Variants in ZNF595 observed in about 807,000 individuals in gnomAD.
The protein encoded by ZNF595 is zinc finger protein 595.
In ZNF595, 9 loss-of-function variants were observed where a neutral mutation model predicts 19.4. The observed-to-expected ratio is 0.46, with a 90% CI of 0.28 to 0.81. The LOEUF (loss-of-function observed/expected upper bound fraction) is 0.81, where lower values mean the gene tolerates loss of function less well. ZNF595 is among the 30% of genes least tolerant of loss of function. The pLI, the probability that ZNF595 is intolerant of heterozygous loss-of-function variation, is 0.11. For missense variants in ZNF595, 729 were observed against 736.0 expected (o/e 0.99, Z 0.11); for synonymous variants, 255 against 255.9 (o/e 1.00, Z 0.03).
At chr4:79,686 TTTTC>T (rs1394063546) in intron 3 of ZNF595, among the ~76,000 whole-genome samples, 1 of 150,600 alleles carries the variant, frequency 6.6e-6, no homozygotes, top group Admixed American at 6.6e-5. Flanking sequence ...TTTTTTTTTT[TTTTC>T]TTTTCTTTTG....
At chr4:83,255 A>C (rs1713989787) in intron 3 of ZNF595, among the ~76,000 whole-genome samples, 1 of 152,148 alleles carries the variant, frequency 6.6e-6, no homozygotes, top group Non-Finnish European at 1.5e-5. Flanking sequence ...GGTTCTTTGC[A>C]TAAAGTTTTT....
chr4:68,850 T>A (rs575710949), intron 3 of ZNF595, among the ~76,000 whole-genome samples: 2 of 152,320 alleles, frequency 1.3e-5, no homozygotes, highest in Non-Finnish European at 2.9e-5. Context: ...CTACTAAATC[T>A]TACCCTAATT....
At chr4:73,492 G>T (rs1352900756) in intron 3 of ZNF595, among the ~76,000 whole-genome samples, 1 of 152,198 alleles carries the variant, frequency 6.6e-6, no homozygotes, top group African/African-American at 2.4e-5. Flanking sequence ...AGGGAAAAAT[G>T]AGAATTTAGA....
intron 3 of ZNF595, among the ~76,000 whole-genome samples, chr4:73,646 C>G (rs1713523273): frequency 1.3e-5 from 2 of 152,228 alleles, no homozygotes; most frequent in Non-Finnish European, 2.9e-5. Context: ...CCCACCTCCT[C>G]TTTTCCCGCA....
chr4:85,120 T>C (rs1714077874), intron 3 of ZNF595, among the ~76,000 whole-genome samples: 1 of 152,212 alleles, frequency 6.6e-6, no homozygotes, highest in Non-Finnish European at 1.5e-5. Flanking sequence ...GTGTCTTGTC[T>C]GGAATTTTGT....
chr4:78,114 T>C lies in ZNF595; in HGVS notation c.227-7617T>C, dbSNP rs577881626. The stretch of plus-strand genomic sequence containing the variant: ...AGCTCCGCCTTCCTGGTTCACGCCA[T>C]TCTCCTGTCTCAGCCTCCCGAGTAG... On this transcript the variant is annotated intron_variant, in intron 3 of 3. Coordinates refer to ENST00000610261, the MANE Select transcript of ZNF595 (RefSeq NM_182524.4). 9.2e-5 allele frequency among the ~76,000 whole-genome samples: 14 copies of C among 152,306 alleles called. No homozygotes were observed. In the East Asian group the frequency reaches 2.5e-3, roughly 27 times the overall value.
chr4:60,807 G>GA (rs1581322328), intron 3 of ZNF595, among the ~76,000 whole-genome samples: 2 of 152,014 alleles, frequency 1.3e-5, no homozygotes, highest in Admixed American at 1.3e-4. Flanking sequence ...TTCCAAATAT[G>GA]AAAAAATATG....
At chr4:73,326 A>G (rs1488342611) in intron 3 of ZNF595, among the ~76,000 whole-genome samples, 4 of 152,196 alleles carry the variant, frequency 2.6e-5, no homozygotes, top group East Asian at 1.9e-4. Context: ...CCTGACGTCA[A>G]CCTGTTCTTG....
intron 3 of ZNF595, among the ~76,000 whole-genome samples, chr4:68,990 G>A (rs782757497): frequency 1.8e-4 from 28 of 152,194 alleles, no homozygotes; most frequent in Non-Finnish European, 3.5e-4. Context: ...CAGCAAATGT[G>A]TGAGAACATG....
chr4:84,506 A>G (rs987682282), intron 3 of ZNF595, among the ~76,000 whole-genome samples: 1 of 152,162 alleles, frequency 6.6e-6, no homozygotes, highest in South Asian at 2.1e-4. Context: ...GCTTTCTTTC[A>G]GCATTTTAAC....
chr4:82,371 G>GTTTTTTTTTTTTTTTTT (rs1560092266), intron 3 of ZNF595, among the ~76,000 whole-genome samples: 5 of 97,714 alleles, frequency 5.1e-5, no homozygotes, highest in African/African-American at 1.5e-4. Context: ...TTTGGTTTGT[G>GTTTTTTTTTTTTTTTTT]GTTTTTTTTT....
At chr4:77,579 C>T (rs143349816) in intron 3 of ZNF595, among the ~76,000 whole-genome samples, 123 of 152,248 alleles carry the variant, frequency 8.1e-4, no homozygotes, top group African/African-American at 2.6e-3. Context: ...CCTGTTTGAT[C>T]TCTGGGCTGA....
At chr4:66,754 C>T (rs1357895303) in intron 3 of ZNF595, among the ~76,000 whole-genome samples, 2 of 152,220 alleles carry the variant, frequency 1.3e-5, no homozygotes, top group African/African-American at 4.8e-5. Context: ...TGAACATATA[C>T]ACAGTGGTTT....
chr4:70,843 T>G (rs1313504440), intron 3 of ZNF595, among the ~76,000 whole-genome samples: 2 of 152,252 alleles, frequency 1.3e-5, no homozygotes, highest in African/African-American at 2.4e-5. Context: ...CTTTTGTGGT[T>G]CTGTCTACAT....
intron 3 of ZNF595, among the ~76,000 whole-genome samples, chr4:73,907 G>A (rs773997660): frequency 1.3e-4 from 20 of 152,116 alleles, no homozygotes; most frequent in Non-Finnish European, 2.5e-4. Flanking sequence ...CCCTGAGACG[G>A]TGGGGTCTGT....
intron 3 of ZNF595, among the ~76,000 whole-genome samples, chr4:81,601 T>A (rs1055243410): frequency 6.6e-6 from 1 of 152,214 alleles, no homozygotes; most frequent in Non-Finnish European, 1.5e-5. Context: ...AGCTTAGTCA[T>A]ATTAATTATA....
At chr4:82,886 T>C (rs914450274) in intron 3 of ZNF595, among the ~76,000 whole-genome samples, 1 of 152,200 alleles carries the variant, frequency 6.6e-6, no homozygotes, top group Non-Finnish European at 1.5e-5. Flanking sequence ...TTAGACATAA[T>C]TGTTTTATAC....
chr4:83,619 CAAAAAAAAAAAAAAA>C (rs71164492), intron 3 of ZNF595, among the ~76,000 whole-genome samples: 639 of 38,604 alleles, frequency 0.017, 7 homozygotes, highest in African/African-American at 0.034. Flanking sequence ...GACTCCGTCT[CAAAAAAAAAAAAAAA>C]AAAAAAAAAA....
chr4:73,595 G>A (rs1485277526), intron 3 of ZNF595, among the ~76,000 whole-genome samples: 1 of 152,154 alleles, frequency 6.6e-6, no homozygotes, highest in Non-Finnish European at 1.5e-5. Flanking sequence ...AGGGCACAAA[G>A]GATTGGAGAG....
Sources: gnomAD v4.1 joint callset for allele counts (sites outside exome capture counted in the v4.1 genomes callset) on GRCh38, gnomAD v4.1.1 for gene constraint, MANE v1.5 for transcripts, NCBI Gene and HGNC (gene_info 2026-07-23, HGNC 2026-07-21) for gene names.